The following ZCCHC7 variants were observed in gnomAD, a reference collection of about 807,000 sequenced individuals.
ZCCHC7 encodes the protein zinc finger CCHC-type containing 7, also known as zinc finger CCHC domain-containing protein 7.
A neutral mutation model predicts 52.0 loss-of-function variants in ZCCHC7; 35 were observed. The ratio of observed to expected loss-of-function variants is 0.67; its 90% CI spans 0.51 to 0.89. ZCCHC7 has a LOEUF of 0.89. ZCCHC7 is among the 40% of genes least tolerant of loss of function. The pLI, the probability that ZCCHC7 is intolerant of heterozygous loss-of-function variation, is 0.00. For synonymous variants in ZCCHC7, 217 were observed against 221.5 expected (o/e 0.98, Z 0.18); for missense variants, 574 against 649.1 (o/e 0.88, Z 1.26).
At chr9:37,128,708 TTG>T (rs1842642463) in intron 2 of ZCCHC7, among the ~76,000 whole-genome samples, 3 of 152,208 alleles carry the variant, frequency 2.0e-5, no homozygotes, top group African/African-American at 7.2e-5. Context: ...ATCATTGCAC[TTG>T]AGTGAATCAA....
At chr9:37,355,177 T>G (rs563625674) in intron 8 of ZCCHC7, among the ~76,000 whole-genome samples, 6 of 152,224 alleles carry the variant, frequency 3.9e-5, no homozygotes, top group Non-Finnish European at 8.8e-5. Context: ...TATTTTTTTA[T>G]GGAAAGAAAG....
chr9:37,230,044 G>C (rs1041031392), intron 2 of ZCCHC7, among the ~76,000 whole-genome samples: 2 of 152,128 alleles, frequency 1.3e-5, no homozygotes, highest in African/African-American at 4.8e-5. Flanking sequence ...TCCAAATCTT[G>C]TCCTCTGGAA....
intron 2 of ZCCHC7, among the ~76,000 whole-genome samples, chr9:37,210,061 T>G (rs915906016): frequency 2.0e-5 from 3 of 152,212 alleles, no homozygotes; most frequent in African/African-American, 4.8e-5. Context: ...GAGCAAGCTT[T>G]CTTTCACCCT....
intron 2 of ZCCHC7, among the ~76,000 whole-genome samples, chr9:37,139,448 A>G (rs1843129981): frequency 6.6e-6 from 1 of 152,032 alleles, no homozygotes; most frequent in Non-Finnish European, 1.5e-5. Flanking sequence ...ATGGAGATGT[A>G]ATTCTAGAGA....
At chr9:37,302,457 C>T (rs912266252) in intron 3 of ZCCHC7, among the ~76,000 whole-genome samples, 3 of 152,166 alleles carry the variant, frequency 2.0e-5, no homozygotes, top group South Asian at 2.1e-4. Context: ...TTCTCTCCTG[C>T]GGTGAGTCCT....
chr9:37,337,034 T>G (rs534939858), intron 6 of ZCCHC7, among the ~76,000 whole-genome samples: 3 of 152,230 alleles, frequency 2.0e-5, no homozygotes, highest in Admixed American at 2.0e-4. Flanking sequence ...CCTGAGAGGA[T>G]TATTTAACCT....
chr9:37,326,625 T>C (rs1404434433), intron 5 of ZCCHC7, among the ~76,000 whole-genome samples: 1 of 151,964 alleles, frequency 6.6e-6, no homozygotes, highest in Non-Finnish European at 1.5e-5. Flanking sequence ...TAATCACTTA[T>C]GGTGGTATAA....
At chr9:37,212,420 A>G (rs1475321775) in intron 2 of ZCCHC7, among the ~76,000 whole-genome samples, 2 of 152,234 alleles carry the variant, frequency 1.3e-5, no homozygotes, top group Non-Finnish European at 2.9e-5. Context: ...GTGGGAAAAT[A>G]AAGACTTTTT....
intron 6 of ZCCHC7, among the ~76,000 whole-genome samples, chr9:37,345,803 GGTT>G (rs1820928194): frequency 6.6e-6 from 1 of 151,708 alleles, no homozygotes; most frequent in Non-Finnish European, 1.5e-5. Context: ...AATATAAAAC[GGTT>G]GTTATTTTTA....
intron 1 of ZCCHC7, 129 bp downstream of exon 1, chr9:37,120,752 C>T (rs879868927): frequency 2.6e-5 from 9 of 347,490 alleles, no homozygotes; most frequent in Admixed American, 2.4e-4. Flanking sequence ...GTCCGCCCCT[C>T]ACTCGTGGCA....
intron 2 of ZCCHC7, among the ~76,000 whole-genome samples, chr9:37,231,903 A>G (rs1437390534): frequency 6.6e-6 from 1 of 152,180 alleles, no homozygotes; most frequent in Non-Finnish European, 1.5e-5. Flanking sequence ...TCAAACAGGT[A>G]TGTTATTCTT....
chr9:37,212,639 C>G (rs1205192930), intron 2 of ZCCHC7, among the ~76,000 whole-genome samples: 1 of 152,168 alleles, frequency 6.6e-6, no homozygotes, highest in Non-Finnish European at 1.5e-5. Context: ...GCAGCCCAGC[C>G]TTACTTCAGA....
intron 2 of ZCCHC7, among the ~76,000 whole-genome samples, chr9:37,281,186 T>A (rs1588605129): frequency 6.6e-6 from 1 of 152,308 alleles, no homozygotes; most frequent in South Asian, 2.1e-4. Context: ...CAGCTAATTT[T>A]TAAATTATTT....
At chr9:37,271,422 A>G (rs553902599) in intron 2 of ZCCHC7, among the ~76,000 whole-genome samples, 3 of 152,356 alleles carry the variant, frequency 2.0e-5, no homozygotes, top group South Asian at 2.1e-4. Flanking sequence ...GTTTATTACA[A>G]TGGACCTTTT....
At chr9:37,302,100 T>C (rs966644471) in intron 2 of ZCCHC7, 88 bp from the exon 3 acceptor site, 71 of 1,079,858 alleles carry the variant, frequency 6.6e-5, no homozygotes, top group Non-Finnish European at 4.5e-5. Context: ...GGGGTCCAAT[T>C]TGAGTACTCA....
At chr9:37,204,546 C>T (rs1478705451) in intron 2 of ZCCHC7, among the ~76,000 whole-genome samples, 1 of 152,118 alleles carries the variant, frequency 6.6e-6, no homozygotes. Flanking sequence ...TTTCCCAGCA[C>T]CATTTATTAG....
chr9:37,178,493 G>A (rs1390591620), intron 2 of ZCCHC7, among the ~76,000 whole-genome samples: 3 of 151,362 alleles, frequency 2.0e-5, no homozygotes, highest in African/African-American at 7.3e-5. Context: ...TAGAAAGAGA[G>A]GAAAGGAAGG....
intron 2 of ZCCHC7, among the ~76,000 whole-genome samples, chr9:37,235,024 TAATGATCA>T (rs1441359042): frequency 6.6e-5 from 10 of 152,232 alleles, no homozygotes; most frequent in African/African-American, 2.4e-4. Flanking sequence ...ATACACTGTA[TAATGATCA>T]AATCAGGGTA....
chr9:37,204,444 T>C (rs1316882386), intron 2 of ZCCHC7, among the ~76,000 whole-genome samples: 1 of 152,232 alleles, frequency 6.6e-6, no homozygotes, highest in Non-Finnish European at 1.5e-5. Context: ...TTTTGTGTTT[T>C]ACATTTAAGT....
Sources: gnomAD v4.1 joint callset for allele counts (sites outside exome capture counted in the v4.1 genomes callset) on GRCh38, gnomAD v4.1.1 for gene constraint, MANE v1.5 for transcripts, NCBI Gene and HGNC (gene_info 2026-07-23, HGNC 2026-07-21) for gene names.